KLHDC10: variants seen among roughly 807,000 people sequenced by gnomAD.
KLHDC10 encodes kelch domain-containing protein 10.
Under a neutral mutation model 56.1 loss-of-function variants are expected in KLHDC10, and 24 were observed. That is an observed-to-expected ratio of 0.43 (90% confidence interval 0.31 to 0.60). KLHDC10 has a LOEUF of 0.60. KLHDC10 is among the 20% of genes least tolerant of loss of function. The pLI, the probability that KLHDC10 is intolerant of heterozygous loss-of-function variation, is 0.11. For synonymous variants in KLHDC10, 188 were observed against 207.1 expected, an observed-to-expected ratio of 0.91 and a Z score of 0.79; for missense variants, 349 against 567.0, an observed-to-expected ratio of 0.62 and a Z score of 3.91.
chr7:130,082,267 T>C (rs1795619210), intron 1 of KLHDC10, among the ~76,000 whole-genome samples: 1 of 152,138 alleles, frequency 6.6e-6, no homozygotes, highest in Non-Finnish European at 1.5e-5. Flanking sequence ...GGGGCTGTAG[T>C]GAGCCGAGAT....
At chr7:130,109,795 C>G (rs1563103332) in intron 2 of KLHDC10, among the ~76,000 whole-genome samples, 1 of 151,998 alleles carries the variant, frequency 6.6e-6, no homozygotes, top group Non-Finnish European at 1.5e-5. Context: ...CCCACCACCA[C>G]GCGTGGCTAA....
chr7:130,096,534 T>C (rs1584626543), intron 1 of KLHDC10, among the ~76,000 whole-genome samples: 1 of 152,188 alleles, frequency 6.6e-6, no homozygotes, highest in Non-Finnish European at 1.5e-5. Context: ...GCCTCTGTTA[T>C]GTCCAATTAG....
intron 1 of KLHDC10, among the ~76,000 whole-genome samples, chr7:130,071,578 A>G (rs1341101151): frequency 2.0e-5 from 3 of 152,204 alleles, no homozygotes; most frequent in African/African-American, 4.8e-5. Flanking sequence ...AATCAAGTGG[A>G]TATGTATGTG....
Position 130,133,176 on chromosome 7 carries a change from T to C in KLHDC10, c.*2430T>C, listed in dbSNP as rs1563109130. 1 of 152,260 alleles carries C rather than the reference T, an allele frequency of 6.6e-6. No homozygotes were observed. The highest frequency in any genetic ancestry group is 2.1e-4 in the South Asian group (1 of 4,838). 9.4% of individuals were successfully genotyped at this position (152,260 alleles called of 1,614,324 possible). ...TAGAACCACACATGTGTACATGTTC[T>C]GGATGCCAAATGAGACTGTGTGTAA... On this transcript the variant is annotated 3_prime_UTR_variant, in exon 10 of 10. Coordinates refer to ENST00000335420, the MANE Select transcript of KLHDC10 (RefSeq NM_014997.4).
At chr7:130,113,337 T>C (rs1400443717) in intron 2 of KLHDC10, among the ~76,000 whole-genome samples, 2 of 151,348 alleles carry the variant, frequency 1.3e-5, no homozygotes, top group African/African-American at 4.8e-5. Flanking sequence ...ATAGTAACTT[T>C]TTTTTTTTTT....
chr7:130,122,874 AG>A (rs1381998538), intron 5 of KLHDC10, among the ~76,000 whole-genome samples: 1 of 152,190 alleles, frequency 6.6e-6, no homozygotes, highest in Non-Finnish European at 1.5e-5. Context: ...CTTGCATATT[AG>A]AATTCTTTGG....
intron 1 of KLHDC10, among the ~76,000 whole-genome samples, chr7:130,089,016 T>C (rs1795732898): frequency 6.6e-6 from 1 of 152,084 alleles, no homozygotes; most frequent in Admixed American, 6.5e-5. Context: ...TCTCTGGCTA[T>C]AGTTAATATT....
chr7:130,111,134 G>C lies in KLHDC10; in HGVS notation c.254-5311G>C, dbSNP rs555126108. 3.9e-5 allele frequency among the ~76,000 whole-genome samples: 6 copies of C among 152,230 alleles called. No homozygotes were observed. In the East Asian group the frequency reaches 7.7e-4, roughly 20 times the overall value. The stretch of plus-strand genomic sequence containing the variant: ...TTCTTTAAGTGGTTTGGGGACAGTA[G>C]CCTGTTTATTTTGGGAGGAAAAATT... On this transcript the variant is annotated intron_variant, in intron 2 of 9. Transcript: ENST00000335420.
At position 130,116,301 on chromosome 7, in the gene KLHDC10, T is replaced by C. The variant is rs762092228; in HGVS notation, c.254-144T>C. The C allele has an allele frequency of 6.4e-6, 4 of 626,612 alleles. No individual in the cohort carries two copies. In the East Asian group the frequency reaches 1.1e-4, roughly 17 times the overall value. The allele number at this position is 626,612 out of a possible 1,614,324, so 38.8% of individuals were successfully genotyped here. On this transcript the variant is annotated intron_variant, in intron 2 of 9. Coordinates refer to ENST00000335420, the MANE Select transcript of KLHDC10 (RefSeq NM_014997.4). This position sits in a 1 kb window ranked among gnomAD's most constrained non-coding sequence, Gnocchi z 4.8. ...AGTATTATTAGGAAGTATATCCATG[T>C]TATAAATCTAAACAAATAAGAAGTA...
At chr7:130,085,231 G>T (rs1197199108) in intron 1 of KLHDC10, among the ~76,000 whole-genome samples, 1 of 151,522 alleles carries the variant, frequency 6.6e-6, no homozygotes, top group Non-Finnish European at 1.5e-5. Flanking sequence ...TACTAGGGAG[G>T]CTGAGGCAGG....
At chr7:130,074,572 C>G (rs1182923449) in intron 1 of KLHDC10, among the ~76,000 whole-genome samples, 1 of 151,474 alleles carries the variant, frequency 6.6e-6, no homozygotes, top group Non-Finnish European at 1.5e-5. Context: ...GTTCAATCCT[C>G]TAGCCACATT....
chr7:130,079,592 C>T (rs777453979), intron 1 of KLHDC10, among the ~76,000 whole-genome samples: 2 of 152,108 alleles, frequency 1.3e-5, no homozygotes, highest in Non-Finnish European at 2.9e-5. Flanking sequence ...GTTCTGTTTG[C>T]TAAACTTTAC....
At chr7:130,083,846 T>A (rs1795644590) in intron 1 of KLHDC10, among the ~76,000 whole-genome samples, 3 of 152,184 alleles carry the variant, frequency 2.0e-5, no homozygotes, top group Non-Finnish European at 4.4e-5. Flanking sequence ...TAAACATCCT[T>A]TTCCCTTTTG....
chr7:130,129,767 G>A (rs1432695832), intron 9 of KLHDC10, among the ~76,000 whole-genome samples, 191 bp downstream of exon 9: 1 of 152,124 alleles, frequency 6.6e-6, no homozygotes, highest in African/African-American at 2.4e-5. Context: ...CCAAATTTGA[G>A]AGAATAACAT....
intron 1 of KLHDC10, among the ~76,000 whole-genome samples, chr7:130,094,236 AT>A (rs1292443300): frequency 6.6e-6 from 1 of 152,048 alleles, no homozygotes; most frequent in South Asian, 2.1e-4. Context: ...CAGTTTGGTA[AT>A]TTTTAATGTT....
chr7:130,073,358 C>T (rs988326842), intron 1 of KLHDC10, among the ~76,000 whole-genome samples: 1 of 148,344 alleles, frequency 6.7e-6, no homozygotes, highest in Non-Finnish European at 1.5e-5. Flanking sequence ...TGCAGTGGCA[C>T]AGTCTTGGCT....
At chr7:130,124,673 A>T (rs1584639886) in intron 6 of KLHDC10, 138 bp downstream of exon 6, 1 of 563,388 alleles carries the variant, frequency 1.8e-6, no homozygotes, top group African/African-American at 1.9e-5. Flanking sequence ...TTTGTGTTGG[A>T]TGCACTTTAT....
At chr7:130,075,957 G>A (rs1006075019) in intron 1 of KLHDC10, among the ~76,000 whole-genome samples, 5 of 151,954 alleles carry the variant, frequency 3.3e-5, no homozygotes, top group African/African-American at 1.2e-4. Context: ...TATTGGGATG[G>A]TTCATATTGT....
intron 1 of KLHDC10, among the ~76,000 whole-genome samples, chr7:130,078,828 C>G (rs1795556146): frequency 6.6e-6 from 1 of 152,068 alleles, no homozygotes; most frequent in African/African-American, 2.4e-5. Context: ...CCTCCTTTCA[C>G]TTTTGATACT....
Sources: gnomAD v4.1 joint callset for allele counts (sites outside exome capture counted in the v4.1 genomes callset) on GRCh38, gnomAD v4.1.1 for gene constraint, Gnocchi (gnomAD v3.1) non-coding constraint, MANE v1.5 for transcripts, NCBI Gene and HGNC (gene_info 2026-07-23, HGNC 2026-07-21) for gene names.